The following LHFPL6 variants were observed in gnomAD, a reference collection of about 807,000 sequenced individuals.
The protein encoded by LHFPL6 is LHFPL tetraspan subfamily member 6.
LHFPL6 carries 9 observed loss-of-function variants against 20.6 expected under a neutral mutation model. The ratio of observed to expected loss-of-function variants is 0.44; its 90% CI spans 0.26 to 0.76. The LOEUF (loss-of-function observed/expected upper bound fraction) is 0.76. Among genes scored for constraint, LHFPL6 ranks in the 30% least tolerant of loss-of-function variants. LHFPL6 has a pLI of 0.20. For synonymous variants in LHFPL6, 105 were observed against 98.7 expected (o/e 1.06, Z -0.38); for missense variants, 218 against 253.5 (o/e 0.86, Z 0.95).
intron 2 of LHFPL6, among the ~76,000 whole-genome samples, chr13:39,484,638 G>A (rs1868655708): frequency 6.6e-6 from 1 of 152,160 alleles, no homozygotes. Context: ...CCCTCAGGAA[G>A]GACCAAGCAT....
intron 2 of LHFPL6, among the ~76,000 whole-genome samples, chr13:39,422,036 G>T (rs557348457): frequency 6.6e-5 from 10 of 152,290 alleles, no homozygotes; most frequent in Admixed American, 2.0e-4. Context: ...TATTACTAAT[G>T]ATTAAGTCTT....
chr13:39,442,312 G>C (rs1027810369), intron 2 of LHFPL6, among the ~76,000 whole-genome samples: 2 of 152,106 alleles, frequency 1.3e-5, no homozygotes, highest in African/African-American at 4.8e-5. Flanking sequence ...TATATTTTTA[G>C]CTATTAAGAG....
At chr13:39,523,547 GAAAA>G (rs10588059) in intron 2 of LHFPL6, among the ~76,000 whole-genome samples, 39 of 129,982 alleles carry the variant, frequency 3.0e-4, no homozygotes, top group African/African-American at 8.2e-4. Context: ...GTCTCAAAAG[GAAAA>G]AAAAAAAAAA....
intron 2 of LHFPL6, among the ~76,000 whole-genome samples, chr13:39,460,552 T>C (rs1872666069): frequency 6.6e-6 from 1 of 152,210 alleles, no homozygotes; most frequent in South Asian, 2.1e-4. Flanking sequence ...GTGGGTTCTT[T>C]CAAGTTACTT....
chr13:39,433,924 C>T (rs569599050), intron 2 of LHFPL6, among the ~76,000 whole-genome samples: 39 of 152,328 alleles, frequency 2.6e-4, no homozygotes, highest in African/African-American at 9.1e-4. Context: ...CCATCGATTT[C>T]CTGCTCCTGT....
intron 2 of LHFPL6, among the ~76,000 whole-genome samples, chr13:39,521,661 T>C (rs1365295179): frequency 6.6e-6 from 1 of 152,200 alleles, no homozygotes; most frequent in Non-Finnish European, 1.5e-5. Context: ...AAGCAATGAA[T>C]TGTATGCTTT....
intron 3 of LHFPL6, among the ~76,000 whole-genome samples, chr13:39,374,083 C>T (rs914347569): frequency 6.6e-6 from 1 of 152,070 alleles, no homozygotes; most frequent in African/African-American, 2.4e-5. Flanking sequence ...CCCACATGTT[C>T]ATCAAAGTAC....
At chr13:39,349,469 T>C (rs1424830980) in intron 3 of LHFPL6, among the ~76,000 whole-genome samples, 3 of 152,206 alleles carry the variant, frequency 2.0e-5, no homozygotes, top group African/African-American at 4.8e-5. Flanking sequence ...CCTCTCTCAA[T>C]TTATTCATTG....
intron 2 of LHFPL6, among the ~76,000 whole-genome samples, chr13:39,575,331 T>C (rs1236756964): frequency 6.6e-6 from 1 of 152,206 alleles, no homozygotes; most frequent in Non-Finnish European, 1.5e-5. Context: ...CTTACTTGTA[T>C]TTCAGACTTT....
chr13:39,528,140 G>C (rs2138492276), intron 2 of LHFPL6, among the ~76,000 whole-genome samples: 1 of 152,162 alleles, frequency 6.6e-6, no homozygotes, highest in Non-Finnish European at 1.5e-5. Flanking sequence ...TATGATTCAT[G>C]CCAGCTCAAA....
intron 2 of LHFPL6, among the ~76,000 whole-genome samples, chr13:39,478,547 G>T (rs1258113045): frequency 2.6e-5 from 4 of 152,070 alleles, no homozygotes; most frequent in Admixed American, 6.6e-5. Flanking sequence ...CAGGAAGTGC[G>T]CAGATAAAAC....
At chr13:39,472,729 C>T (rs1234847496) in intron 2 of LHFPL6, among the ~76,000 whole-genome samples, 1 of 152,046 alleles carries the variant, frequency 6.6e-6, no homozygotes, top group Non-Finnish European at 1.5e-5. Context: ...CTGCCCCAGC[C>T]TCCGGAGTAG....
chr13:39,526,441 T>C (rs1482608045), intron 2 of LHFPL6, among the ~76,000 whole-genome samples: 2 of 152,178 alleles, frequency 1.3e-5, no homozygotes, highest in East Asian at 1.9e-4. Flanking sequence ...GTTTTAGAAA[T>C]AGATGGAGTT....
intron 3 of LHFPL6, among the ~76,000 whole-genome samples, chr13:39,345,474 C>T (rs1397173787): frequency 1.6e-5 from 2 of 127,194 alleles, no homozygotes; most frequent in African/African-American, 6.0e-5. Flanking sequence ...GATCACACCA[C>T]TGAACTCCAG....
In LHFPL6 at chr13:39,379,299, C is replaced by T. The variant is rs78423594; in HGVS notation, c.386-773G>A. On this transcript the variant is annotated intron_variant, in intron 2 of 3. Transcript: ENST00000379589. ...TAACATGGTTTTACAAGAAGCTAAA[C>T]GAGATTTAAGCACTCACTATTTGAA... Among the ~76,000 whole-genome samples, 1,070 of 152,276 alleles carry T rather than the reference C, an allele frequency of 7.0e-3. 18 individuals carry two copies. Among genetic ancestry groups the T allele is most frequent in the African/African-American group, 0.024 (1,014 of 41,550 alleles).
chr13:39,482,626 G>C (rs900606209), intron 2 of LHFPL6, among the ~76,000 whole-genome samples: 1 of 152,172 alleles, frequency 6.6e-6, no homozygotes, highest in Non-Finnish European at 1.5e-5. Context: ...ATATAGTAAA[G>C]TGGACAGAGA....
intron 2 of LHFPL6, among the ~76,000 whole-genome samples, chr13:39,590,604 T>A (rs1262852235): frequency 6.6e-6 from 1 of 152,164 alleles, no homozygotes; most frequent in Non-Finnish European, 1.5e-5. Flanking sequence ...CTTGCCAACC[T>A]GGAGAGTTCA....
At chr13:39,510,145 A>T (rs1283102311) in intron 2 of LHFPL6, among the ~76,000 whole-genome samples, 2 of 152,228 alleles carry the variant, frequency 1.3e-5, no homozygotes, top group African/African-American at 4.8e-5. Flanking sequence ...AGGCGTAATG[A>T]TAAATATGCA....
intron 2 of LHFPL6, among the ~76,000 whole-genome samples, chr13:39,502,535 C>T (rs574178310): frequency 6.6e-6 from 1 of 152,022 alleles, no homozygotes; most frequent in South Asian, 2.1e-4. Flanking sequence ...GTGGGTGGGT[C>T]ACTTGAGCTC....
Sources: gnomAD v4.1 joint callset for allele counts (sites outside exome capture counted in the v4.1 genomes callset) on GRCh38, gnomAD v4.1.1 for gene constraint, MANE v1.5 for transcripts, NCBI Gene and HGNC (gene_info 2026-07-23, HGNC 2026-07-21) for gene names.